Variants in LRCH1 observed in about 807,000 individuals in gnomAD.
LRCH1 encodes leucine-rich repeat and calponin homology domain-containing protein 1.
In LRCH1, 23 loss-of-function variants were observed where a neutral mutation model predicts 94.9. That is an observed-to-expected ratio of 0.24 (90% confidence interval 0.17 to 0.34). The LOEUF (loss-of-function observed/expected upper bound fraction) is 0.34. LRCH1 is among the 10% of genes least tolerant of loss of function. The pLI is 1.00. For missense variants in LRCH1, 790 were observed against 945.9 expected (o/e 0.84, Z 2.16); for synonymous variants, 364 against 354.9 (o/e 1.03, Z -0.29).
Position 46,650,417 on chromosome 13 carries a change from AT to A in LRCH1, c.452+78del, listed in dbSNP as rs1023714222. 12 of 1,337,986 alleles carry A rather than the reference AT, an allele frequency of 9.0e-6. No individual in the cohort carries two copies. The East Asian group carries it at 1.5e-4, about 17-fold the overall frequency. The allele number at this position is 1,337,986 out of a possible 1,614,324, so 82.9% of individuals were successfully genotyped here. A position where few individuals can be genotyped will look rare whatever the true frequency, so the allele number is the denominator to read the frequency against. ...AAAACTTATGCTTTCATTTCTATCC[AT>A]TTTTTCCCCTTTTTGCAATTCTTGA... On this transcript the variant is annotated intron_variant, in intron 2 of 19. Coordinates refer to ENST00000389797, the MANE Select transcript of LRCH1 (RefSeq NM_001164211.2).
chr13:46,628,679 A>AC (rs59332186), intron 1 of LRCH1, among the ~76,000 whole-genome samples: 1 of 151,300 alleles, frequency 6.6e-6, no homozygotes, highest in Non-Finnish European at 1.5e-5. Context: ...AAAAAAAAAA[A>AC]CACAAGGCCC....
intron 1 of LRCH1, among the ~76,000 whole-genome samples, chr13:46,615,486 A>C (rs553056153): frequency 1.3e-5 from 2 of 152,184 alleles, no homozygotes; most frequent in Non-Finnish European, 2.9e-5. Context: ...ATTGGAGGTC[A>C]CATTTCAACA....
intron 3 of LRCH1, among the ~76,000 whole-genome samples, chr13:46,670,567 C>G (rs1323127782): frequency 6.6e-6 from 1 of 152,164 alleles, no homozygotes; most frequent in Non-Finnish European, 1.5e-5. Context: ...GGCACATGGT[C>G]ACACTGCTCA....
At chr13:46,694,705 G>A (rs1871083496) in intron 8 of LRCH1, among the ~76,000 whole-genome samples, 188 bp from the exon 9 acceptor site, 1 of 152,154 alleles carries the variant, frequency 6.6e-6, no homozygotes, top group South Asian at 2.1e-4. Context: ...TCAGTTTGGG[G>A]CTTTCTGGGG....
chr13:46,744,234 G>A lies in LRCH1; in HGVS notation c.*2386G>A. 1.0e-6 allele frequency: 1 copy of A among 985,424 alleles called. No individual in the cohort carries two copies. Among genetic ancestry groups the A allele is most frequent in the Non-Finnish European group, 1.2e-6 (1 of 829,942 alleles). 61.0% of individuals were successfully genotyped at this position (985,424 alleles called of 1,614,324 possible). ...TGACCTCCTTAGAGTCTGAGAAGTA[G>A]TCAGGGATGTCACTGAGTGGTTTAT... On this transcript the variant is annotated 3_prime_UTR_variant, in exon 20 of 20. Coordinates refer to ENST00000389797, the MANE Select transcript of LRCH1 (RefSeq NM_001164211.2).
chr13:46,597,991 A>T (rs897509351), intron 1 of LRCH1, among the ~76,000 whole-genome samples: 11 of 152,142 alleles, frequency 7.2e-5, no homozygotes, highest in Admixed American at 5.2e-4. Flanking sequence ...AACAAGGATC[A>T]CTGTGTGGGC....
At position 46,652,265 on chromosome 13, in the gene LRCH1, G is replaced by A. The variant is rs562549802; in HGVS notation, c.452+1920G>A. 4.9e-3 allele frequency among the ~76,000 whole-genome samples: 737 copies of A among 151,778 alleles called. 5 individuals carry two copies. Among genetic ancestry groups the A allele is most frequent in the African/African-American group, 0.015 (625 of 41,468 alleles). ...CTAATTTTTTGTATTTTTAGTAGAG[G>A]CGGGGTTTCACCATGTTAGCCAGGA... On this transcript the variant is annotated intron_variant, in intron 2 of 19. Coordinates refer to ENST00000389797, the MANE Select transcript of LRCH1 (RefSeq NM_001164211.2).
At chr13:46,706,199 G>C (rs1222960625) in intron 13 of LRCH1, among the ~76,000 whole-genome samples, 1 of 152,180 alleles carries the variant, frequency 6.6e-6, no homozygotes, top group Non-Finnish European at 1.5e-5. Flanking sequence ...ATTATATTAG[G>C]TATCAGTCCC....
Position 46,683,246 on chromosome 13 carries a change from T to C in LRCH1, c.685+1400T>C, listed in dbSNP as rs61517428. On this transcript the variant is annotated intron_variant, in intron 4 of 19. Coordinates refer to ENST00000389797, the MANE Select transcript of LRCH1 (RefSeq NM_001164211.2). ...AATGCTTCATAATAAGGCAAGAAAA[T>C]GGAGCTCATGAAAGGGAAAGAACTT... Among the ~76,000 whole-genome samples, 834 of 152,266 alleles carry C rather than the reference T, an allele frequency of 5.5e-3. 7 individuals are homozygous for C. The highest frequency in any genetic ancestry group is 0.018 in the African/African-American group (729 of 41,540).
intron 1 of LRCH1, among the ~76,000 whole-genome samples, chr13:46,586,938 C>T (rs1011545622): frequency 5.9e-5 from 9 of 152,180 alleles, no homozygotes; most frequent in Non-Finnish European, 1.2e-4. Flanking sequence ...GTTTTAGCAG[C>T]AGAGACAGTG....
rs541055404 is a variant in LRCH1 at position 46,701,546 on chromosome 13, T to TA, written c.1400+345dup. Among the ~76,000 whole-genome samples the TA allele has an allele frequency of 3.3e-4, 51 of 152,268 alleles. 1 individual carries two copies. Among genetic ancestry groups the TA allele is most frequent in the African/African-American group, 1.2e-3 (48 of 41,554 alleles). On this transcript the variant is annotated intron_variant, in intron 11 of 19. Coordinates refer to ENST00000389797, the MANE Select transcript of LRCH1 (RefSeq NM_001164211.2). Reference sequence around the variant, plus strand: ...GCTTAAAGTTTAAACCCCTGATTTATAAAAAATATAAAGAAAATGTTTTCC... The same window carrying TA: ...GCTTAAAGTTTAAACCCCTGATTTATAAAAAAATATAAAGAAAATGTTTTCC...
At chr13:46,558,183 A>G (rs1026883230) in intron 1 of LRCH1, among the ~76,000 whole-genome samples, 1 of 152,220 alleles carries the variant, frequency 6.6e-6, no homozygotes, top group Non-Finnish European at 1.5e-5. Context: ...ATAAGACAAT[A>G]CAGGAATACA....
At chr13:46,629,561 C>A (rs13378930) in intron 1 of LRCH1, among the ~76,000 whole-genome samples, 3,281 of 152,242 alleles carry the variant, frequency 0.022, 119 homozygotes, top group African/African-American at 0.075. Flanking sequence ...ATCCTCAGGG[C>A]CCATGTGATG....
chr13:46,570,474 C>T (rs1251619578), intron 1 of LRCH1, among the ~76,000 whole-genome samples: 1 of 152,170 alleles, frequency 6.6e-6, no homozygotes, highest in Non-Finnish European at 1.5e-5. Flanking sequence ...GGTCACAGCG[C>T]TGATTAGTGG....
chr13:46,729,966 G>A (rs1275925750), intron 18 of LRCH1, among the ~76,000 whole-genome samples: 2 of 152,198 alleles, frequency 1.3e-5, no homozygotes, highest in South Asian at 2.1e-4. Context: ...AGGAGATAGA[G>A]CCTGCACTCA....
At chr13:46,727,883 A>G (rs1400131012) in intron 17 of LRCH1, among the ~76,000 whole-genome samples, 1 of 151,544 alleles carries the variant, frequency 6.6e-6, no homozygotes, top group Non-Finnish European at 1.5e-5. Flanking sequence ...TCAGCTAAAA[A>G]TAGTCTAAGA....
chr13:46,607,721 T>C (rs1445811429), intron 1 of LRCH1, among the ~76,000 whole-genome samples: 1 of 151,934 alleles, frequency 6.6e-6, no homozygotes, highest in African/African-American at 2.4e-5. Context: ...AAGTGTAATA[T>C]AAAATCTGAG....
chr13:46,570,045 T>C (rs2050225100), intron 1 of LRCH1, among the ~76,000 whole-genome samples: 1 of 152,200 alleles, frequency 6.6e-6, no homozygotes, highest in Non-Finnish European at 1.5e-5. Context: ...CTAATAAGAA[T>C]AAGAATGATA....
chr13:46,655,281 A>G (rs1490380056), intron 2 of LRCH1, among the ~76,000 whole-genome samples: 1 of 152,220 alleles, frequency 6.6e-6, no homozygotes, highest in African/African-American at 2.4e-5. Context: ...ATTAGAGATA[A>G]ATTTAATTAG....
Sources: allele counts gnomAD v4.1 joint callset (sites outside exome capture counted in the v4.1 genomes callset), GRCh38; gene constraint gnomAD v4.1.1; transcripts MANE v1.5; gene names NCBI Gene and HGNC (gene_info 2026-07-23, HGNC 2026-07-21).